The following ICE2 variants were observed in gnomAD, a reference collection of about 807,000 sequenced individuals.
ICE2 encodes the protein little elongation complex subunit 2.
A neutral mutation model predicts 105.4 loss-of-function variants in ICE2; 87 were observed. That is an observed-to-expected ratio of 0.83 (90% CI 0.69 to 0.99). The LOEUF (loss-of-function observed/expected upper bound fraction) is 0.99. Ranked by LOEUF, ICE2 falls within the 50% of genes least tolerant of loss-of-function variation. The pLI, the probability that ICE2 is intolerant of heterozygous loss-of-function variation, is 0.00. For missense variants in ICE2, 1,323 were observed against 1,146.7 expected, an observed-to-expected ratio of 1.15 and a Z score of -2.22; for synonymous variants, 399 against 392.0, an observed-to-expected ratio of 1.02 and a Z score of -0.21.
chr15:60,456,599 A>T, intron 6 of ICE2, 58 bp downstream of exon 6: 1 of 658,482 alleles, frequency 1.5e-6, no homozygotes, highest in Non-Finnish European at 2.5e-6. Context: ...ACACACACAC[A>T]CACACACACA....
In ICE2 at chr15:60,456,706, G is replaced by A. The variant is rs1377119467; in HGVS notation, c.617C>T (p.Pro206Leu). ...HEVTSLMGFF[P>L]FRVEMGLKLE... ...CTTTAATCCCATCTCTACTCTGAATGGGAAGAATCCCATTAAGCTGGTGAC... is the reference window on the plus strand; with the variant it reads ...CTTTAATCCCATCTCTACTCTGAATAGGAAGAATCCCATTAAGCTGGTGAC... Residue 206 changes from proline (P) to leucine (L), a missense_variant, in exon 6 of 16, where the codon CCA becomes CTA. Pro to Leu is a moderately conservative substitution (Grantham distance 98). Coordinates refer to ENST00000261520, the MANE Select transcript of ICE2 (RefSeq NM_024611.6). The A allele has an allele frequency of 8.8e-6, 14 of 1,598,326 alleles. No homozygotes were observed. Among genetic ancestry groups the A allele is most frequent in the Non-Finnish European group, 1.2e-5 (14 of 1,172,172 alleles).
chr15:60,476,694 T>C (rs2064772047), intron 2 of ICE2, among the ~76,000 whole-genome samples: 2 of 152,250 alleles, frequency 1.3e-5, no homozygotes, highest in East Asian at 3.8e-4. Context: ...GATATGATTT[T>C]TCATAACACC....
chr15:60,471,267 T>G (rs1431713756), intron 3 of ICE2, among the ~76,000 whole-genome samples: 3 of 152,152 alleles, frequency 2.0e-5, no homozygotes, highest in African/African-American at 7.2e-5. Flanking sequence ...CTACTAAAGT[T>G]TCTCAAATAA....
At chr15:60,469,333 A>G (rs185343824) in intron 3 of ICE2, among the ~76,000 whole-genome samples, 1 of 152,220 alleles carries the variant, frequency 6.6e-6, no homozygotes, top group African/African-American at 2.4e-5. Context: ...AAAAATAGCT[A>G]ATGCATGCTG....
rs1351167581 is a variant in ICE2, at chr15:60,424,429, G to GAGGGGGATTAGAGTGGGGGAAA, written c.2821-668_2821-667insTTTCCCCCACTCTAATCCCCCT. Among the ~76,000 whole-genome samples, 506 of 152,310 alleles carry GAGGGGGATTAGAGTGGGGGAAA rather than the reference G, an allele frequency of 3.3e-3. 4 individuals are homozygous for GAGGGGGATTAGAGTGGGGGAAA. In the Middle Eastern group the frequency reaches 0.034, roughly 10 times the overall value. Reference sequence around the variant, plus strand: ...AGGGGGAATACAGAGGATGGGGGAAGGAACTTTGCTGTGGTTCTACCTTCA... The same window carrying GAGGGGGATTAGAGTGGGGGAAA: ...AGGGGGAATACAGAGGATGGGGGAAGAGGGGGATTAGAGTGGGGGAAAGAACTTTGCTGTGGTTCTACCTTCA... On this transcript the variant is annotated intron_variant, in intron 15 of 15. Transcript: ENST00000261520.
Position 60,423,548 on chromosome 15 carries a change from G to T in ICE2, c.*86C>A. On this transcript the variant is annotated 3_prime_UTR_variant, in exon 16 of 16. Transcript: ENST00000261520. Reference sequence around the variant, plus strand: ...CTACTACAGGAAAAATGTTCCTCTTGCCTACTGATTATTTTCCCTCAAACT... The same window carrying T: ...CTACTACAGGAAAAATGTTCCTCTTTCCTACTGATTATTTTCCCTCAAACT... 1.6e-6 allele frequency: 2 copies of T among 1,287,096 alleles called. No homozygotes were observed. Among genetic ancestry groups the T allele is most frequent in the African/African-American group, 1.5e-5 (1 of 64,938 alleles). The allele number at this position is 1,287,096 out of a possible 1,614,324, so 79.7% of individuals were successfully genotyped here.
chr15:60,461,255 C>A (rs1013353463), intron 5 of ICE2, among the ~76,000 whole-genome samples: 1 of 152,012 alleles, frequency 6.6e-6, no homozygotes, highest in Non-Finnish European at 1.5e-5. Flanking sequence ...CTTTGAAACA[C>A]TATTTAAAAA....
intron 12 of ICE2, among the ~76,000 whole-genome samples, chr15:60,436,920 T>A (rs1566975122): frequency 6.6e-6 from 1 of 152,086 alleles, no homozygotes; most frequent in South Asian, 2.1e-4. Flanking sequence ...CACACTTGGC[T>A]CTTAAGGTAA....
chr15:60,474,946 C>T (rs1343098225), intron 3 of ICE2, among the ~76,000 whole-genome samples: 1 of 152,042 alleles, frequency 6.6e-6, no homozygotes, highest in African/African-American at 2.4e-5. Context: ...CACAGCAAGA[C>T]CATGTCTCTT....
At chr15:60,455,295 T>G (rs779796067) in intron 7 of ICE2, 31 bp downstream of exon 7, 1 of 1,560,730 alleles carries the variant, frequency 6.4e-7, no homozygotes, top group Non-Finnish European at 8.8e-7. Flanking sequence ...AAAGATTATT[T>G]AGGAAGATCC....
Position 60,423,343 on chromosome 15 carries a change from T to A in ICE2, c.*291A>T, listed in dbSNP as rs1324289599. 5.1e-6 allele frequency: 1 copy of A among 194,554 alleles called. No homozygotes were observed. The highest frequency in any genetic ancestry group is 5.6e-5 in the Admixed American group (1 of 17,750). The allele number at this position is 194,554 out of a possible 1,614,324, so 12.1% of individuals were successfully genotyped here. On this transcript the variant is annotated 3_prime_UTR_variant, in exon 16 of 16. Transcript: ENST00000261520. Reference sequence around the variant, plus strand: ...GATAAAAAACCAAATTATTTTTCTATTTACAATTTTTAGAAAAGGTTTAAT... The same window carrying A: ...GATAAAAAACCAAATTATTTTTCTAATTACAATTTTTAGAAAAGGTTTAAT...
At chr15:60,446,881 A>C (rs183685192) in intron 11 of ICE2, among the ~76,000 whole-genome samples, 13 of 152,304 alleles carry the variant, frequency 8.5e-5, no homozygotes, top group African/African-American at 2.4e-4. Flanking sequence ...GTTTTTTTAA[A>C]TGTGTACTGT....
At chr15:60,434,576 T>C (rs909249532) in intron 13 of ICE2, among the ~76,000 whole-genome samples, 6 of 149,532 alleles carry the variant, frequency 4.0e-5, no homozygotes, top group Non-Finnish European at 5.9e-5. Flanking sequence ...CAATGGAATA[T>C]ATTCAGCCAT....
chr15:60,445,673 GT>G, intron 11 of ICE2: 2 of 985,084 alleles, frequency 2.0e-6, no homozygotes, highest in Non-Finnish European at 2.4e-6. Flanking sequence ...CCTTAGTCAA[GT>G]GAATTACAAT....
chr15:60,445,955 T>C (rs998084032), intron 11 of ICE2, among the ~76,000 whole-genome samples: 6 of 152,304 alleles, frequency 3.9e-5, no homozygotes, highest in East Asian at 1.9e-4. Context: ...TTCAAGCTTA[T>C]GGTTATTAAG....
Position 60,453,627 on chromosome 15 carries a change from A to G in ICE2, c.1101T>C (p.Pro367=). ...VPVSAVFMDK[P]EEFISEMDMS... ...CGTCCATTTCAGATATAAACTCTTC[A>G]GGTTTGTCCATAAAGACTGCAGAGA... The change falls in exon 9 of 16, where the codon CCT becomes CCC. Residue 367 remains proline (P), a synonymous_variant. Coordinates refer to ENST00000261520, the MANE Select transcript of ICE2 (RefSeq NM_024611.6). 6.2e-7 allele frequency: 1 copy of G among 1,613,458 alleles called. No homozygotes were observed. Among genetic ancestry groups the G allele is most frequent in the Non-Finnish European group, 8.5e-7 (1 of 1,179,490 alleles).
chr15:60,454,006 T>C (rs1008935629), intron 8 of ICE2, among the ~76,000 whole-genome samples: 6 of 152,148 alleles, frequency 3.9e-5, no homozygotes, highest in Non-Finnish European at 8.8e-5. Flanking sequence ...TTTCTAGCAA[T>C]GTTTAAAAAG....
intron 1 of ICE2, 58 bp downstream of exon 1, chr15:60,478,945 C>G (rs2064852878): frequency 1.8e-5 from 8 of 455,708 alleles, no homozygotes; most frequent in Non-Finnish European, 2.2e-5. Context: ...AGCACGCCCG[C>G]TGGCCCGGCA....
intron 6 of ICE2, 56 bp downstream of exon 6, chr15:60,456,601 A>T: frequency 1.4e-6 from 1 of 721,754 alleles, no homozygotes; most frequent in Non-Finnish European, 2.2e-6. Context: ...ACACACACAC[A>T]CACACACACT....
Sources: allele counts gnomAD v4.1 joint callset (sites outside exome capture counted in the v4.1 genomes callset), GRCh38; gene constraint gnomAD v4.1.1; transcripts MANE v1.5; gene names NCBI Gene and HGNC (gene_info 2026-07-23, HGNC 2026-07-21).